The following KLF9 variants were observed in gnomAD, a reference collection of about 807,000 sequenced individuals.
KLF9 encodes Krueppel-like factor 9.
Under a neutral mutation model 17.3 loss-of-function variants are expected in KLF9, and 2 were observed. The ratio of observed to expected loss-of-function variants is 0.12; its 90% CI spans 0.05 to 0.36. The LOEUF is 0.36. Ranked by LOEUF, KLF9 falls within the 10% of genes least tolerant of loss-of-function variation. The probability of loss-of-function intolerance (pLI) is 1.00; values close to 1 mark genes in which losing one functional copy is unlikely to be tolerated. For missense variants in KLF9, 226 were observed against 333.2 expected, an observed-to-expected ratio of 0.68 and a Z score of 2.51; for synonymous variants, 138 against 139.2, an observed-to-expected ratio of 0.99 and a Z score of 0.06.
chr9:70,390,441 G>A (rs1039014138), intron 1 of KLF9, among the ~76,000 whole-genome samples: 9 of 152,076 alleles, frequency 5.9e-5, no homozygotes, highest in Admixed American at 4.6e-4. Flanking sequence ...AAGACATGGA[G>A]TTGAAAACTA....
intron 1 of KLF9, among the ~76,000 whole-genome samples, chr9:70,395,327 G>A (rs1242716611): frequency 6.6e-6 from 1 of 151,964 alleles, no homozygotes; most frequent in East Asian, 1.9e-4. Flanking sequence ...TTTCCAAATG[G>A]GCTATAAATG....
At chr9:70,406,641 A>G (rs936503854) in intron 1 of KLF9, among the ~76,000 whole-genome samples, 2 of 152,010 alleles carry the variant, frequency 1.3e-5, no homozygotes, top group Admixed American at 1.3e-4. Context: ...CTTTTTAACC[A>G]TCTGTGGGGT....
intron 1 of KLF9, among the ~76,000 whole-genome samples, chr9:70,407,010 A>T (rs969091659): frequency 6.6e-6 from 1 of 152,080 alleles, no homozygotes. Context: ...TCAGAAATCA[A>T]ACTGATGGGA....
At chr9:70,403,257 A>G (rs1026367526) in intron 1 of KLF9, among the ~76,000 whole-genome samples, 2 of 152,346 alleles carry the variant, frequency 1.3e-5, no homozygotes, top group East Asian at 1.9e-4. Flanking sequence ...TAAATAACAC[A>G]TTAAATTTCC....
chr9:70,413,340 G>A lies in KLF9; in HGVS notation c.24C>T (p.Asp8=), dbSNP rs749668384. 1.3e-6 allele frequency: 2 copies of A among 1,569,356 alleles called. No individual in the cohort carries two copies. Among genetic ancestry groups the A allele is most frequent in the African/African-American group, 1.3e-5 (1 of 74,194 alleles). The change falls in exon 1 of 2, where the codon GAC becomes GAT. Residue 8 remains aspartate, a synonymous_variant. Coordinates refer to ENST00000377126, the MANE Select transcript of KLF9 (RefSeq NM_001206.4). The surrounding 1 kb of genome is among the most constrained non-coding windows in gnomAD (Gnocchi z 5.6). ...AAACCAGACACTGGGCAGCCACGAA[G>A]TCCATGTAGGCGGCCGCGGACATGG... MSAAAYM[D]FVAAQCLVSI... is the part of the protein sequence containing the mutation.
intron 1 of KLF9, among the ~76,000 whole-genome samples, chr9:70,401,168 CAAAAAAAAAAA>C (rs199648240): frequency 1.7e-5 from 2 of 116,032 alleles, no homozygotes; most frequent in African/African-American, 7.4e-5. Context: ...ATCCCATCTC[CAAAAAAAAAAA>C]AAAAAAAAAA....
intron 1 of KLF9, among the ~76,000 whole-genome samples, chr9:70,397,532 C>T (rs1018423656): frequency 6.6e-6 from 1 of 151,948 alleles, no homozygotes; most frequent in African/African-American, 2.4e-5. Context: ...CATCTGTCTT[C>T]TCACTCCTCT....
At position 70,384,854 on chromosome 9, in the gene KLF9, T is replaced by C. The variant is rs1170547452; in HGVS notation, c.*2922A>G. The C allele has an allele frequency of 6.6e-6, 1 of 152,660 alleles. No homozygotes were observed. The highest frequency in any genetic ancestry group is 1.5e-5 in the Non-Finnish European group (1 of 68,038). 9.5% of individuals were successfully genotyped at this position (152,660 alleles called of 1,614,324 possible). A position where few individuals can be genotyped will look rare whatever the true frequency, so the allele number is the denominator to read the frequency against. On this transcript the variant is annotated 3_prime_UTR_variant, in exon 2 of 2. Transcript: ENST00000377126. ...TGATGAGTACTGTGCTAAATCTATC[T>C]GCAAACTGACAAACTAATCAGTTTC... is the stretch of plus-strand genomic sequence containing the variant.
chr9:70,413,023 C>G lies in KLF9; in HGVS notation c.341G>C (p.Arg114Thr), dbSNP rs777269229. The G allele has an allele frequency of 6.2e-7, 1 of 1,614,160 alleles. No individual in the cohort carries two copies. The highest frequency in any genetic ancestry group is 1.1e-5 in the South Asian group (1 of 91,070). The change falls in exon 1 of 2, where the codon AGA becomes ACA. Residue 114 changes from arginine (R) to threonine (T), a missense_variant. By Grantham distance (71) the Arg-to-Thr change is moderately conservative. Transcript: ENST00000377126. This position sits in a 1 kb window ranked among gnomAD's most constrained non-coding sequence, Gnocchi z 5.6. Reference sequence around the variant, plus strand: ...GCTGGGCGCGCTGCCAGGATCCTGTCTCTCCTCCGGGCTGTGGGAAGGACT... The same window carrying G: ...GCTGGGCGCGCTGCCAGGATCCTGTGTCTCCTCCGGGCTGTGGGAAGGACT... ...GSSPSHSPEE[R>T]QDPGSAPSPL...
chr9:70,389,704 A>C (rs1564085646), intron 1 of KLF9, among the ~76,000 whole-genome samples: 1 of 152,182 alleles, frequency 6.6e-6, no homozygotes. Context: ...TTTGGGGAGG[A>C]CATACACAGG....
In KLF9 at chr9:70,412,925, A is replaced by G. The variant is rs1233805694; in HGVS notation, c.439T>C (p.Tyr147His). 6.2e-7 allele frequency: 1 copy of G among 1,613,824 alleles called. No individual in the cohort carries two copies. Among genetic ancestry groups the G allele is most frequent in the Non-Finnish European group, 8.5e-7 (1 of 1,179,842 alleles). Residue 147 changes from tyrosine to histidine, a missense_variant, in exon 1 of 2, where the codon TAC becomes CAC. By Grantham distance (83) the Tyr-to-His change is moderately conservative (BLOSUM62 2). Transcript: ENST00000377126. ...HASEKRHKCP[Y>H]SGCGKVYGKS... ...CCATAGACTTTCCCACAGCCACTGT[A>G]GGGGCACTTGTGCCTCTTTTCGGAG...
At chr9:70,402,760 C>T (rs1468711362) in intron 1 of KLF9, among the ~76,000 whole-genome samples, 6 of 152,058 alleles carry the variant, frequency 3.9e-5, no homozygotes, top group Admixed American at 6.6e-5. Context: ...CTCCTTCCCA[C>T]CAAAAGGAAG....
intron 1 of KLF9, among the ~76,000 whole-genome samples, chr9:70,397,484 A>C (rs1384467323): frequency 6.6e-6 from 1 of 151,926 alleles, no homozygotes; most frequent in Non-Finnish European, 1.5e-5. Flanking sequence ...AAAAAAAAAA[A>C]CAAAACGGAG....
intron 1 of KLF9, among the ~76,000 whole-genome samples, chr9:70,397,458 G>C (rs1193039721): frequency 6.6e-6 from 1 of 151,804 alleles, no homozygotes; most frequent in Non-Finnish European, 1.5e-5. Flanking sequence ...CTGGGTGACA[G>C]AGTGAGACTC....
At position 70,387,684 on chromosome 9, in the gene KLF9, C is replaced by G; in HGVS notation, c.*92G>C. The G allele has an allele frequency of 9.2e-7, 1 of 1,081,244 alleles. No homozygotes were observed. The highest frequency in any genetic ancestry group is 1.4e-6 in the Non-Finnish European group (1 of 712,430). 67.0% of individuals were successfully genotyped at this position (1,081,244 alleles called of 1,614,324 possible). A position where few individuals can be genotyped will look rare whatever the true frequency, so the allele number is the denominator to read the frequency against. ...TGACTTCCTGTGCCGTCAAGTGTGC[C>G]TCTTCTGGGGCTCAGTTTTCACGCG... On this transcript the variant is annotated 3_prime_UTR_variant, in exon 2 of 2. Transcript: ENST00000377126.
intron 1 of KLF9, among the ~76,000 whole-genome samples, chr9:70,396,081 G>A (rs2037180235): frequency 6.6e-6 from 1 of 152,126 alleles, no homozygotes; most frequent in Non-Finnish European, 1.5e-5. Context: ...TATCTGTGAG[G>A]CTAGTGAAAA....
rs1267754830 is a variant in KLF9 at position 70,409,200 on chromosome 9, G to A, written c.505+3659C>T. On this transcript the variant is annotated intron_variant, in intron 1 of 1. Transcript: ENST00000377126. ...TATATGTATACATATACATGTATAT[G>A]TATATATATATACATATATGTATAT... Among the ~76,000 whole-genome samples the A allele has an allele frequency of 4.8e-4, 57 of 118,640 alleles. 2 individuals carry two copies. Among genetic ancestry groups the A allele is most frequent in the African/African-American group, 1.8e-3 (56 of 31,864 alleles). The allele number at this position is 118,640 out of a possible 152,430, so 77.8% of individuals were successfully genotyped here.
chr9:70,390,636 C>T (rs2037147426), intron 1 of KLF9, among the ~76,000 whole-genome samples: 1 of 152,010 alleles, frequency 6.6e-6, no homozygotes, highest in South Asian at 2.1e-4. Flanking sequence ...AAACTTTACA[C>T]ACACACACAC....
At chr9:70,404,666 G>T (rs1309588527) in intron 1 of KLF9, among the ~76,000 whole-genome samples, 3 of 151,964 alleles carry the variant, frequency 2.0e-5, no homozygotes, top group Non-Finnish European at 2.9e-5. Context: ...GGACTAATCT[G>T]GAATTCTAAA....
Sources: allele counts gnomAD v4.1 joint callset (sites outside exome capture counted in the v4.1 genomes callset), GRCh38; gene constraint gnomAD v4.1.1; non-coding constraint Gnocchi (gnomAD v3.1); transcripts MANE v1.5; gene names NCBI Gene and HGNC (gene_info 2026-07-23, HGNC 2026-07-21).